SRPK2: variants seen among roughly 807,000 people sequenced by gnomAD.
SRPK2 encodes the protein SRSF protein kinase 2.
Under a neutral mutation model 90.8 loss-of-function variants are expected in SRPK2, and 21 were observed. The ratio of observed to expected loss-of-function variants is 0.23; its 90% CI spans 0.16 to 0.33. SRPK2 has a LOEUF of 0.33. SRPK2 is among the 10% of genes least tolerant of loss of function. The probability of loss-of-function intolerance (pLI) is 1.00; values close to 1 mark genes in which losing one functional copy is unlikely to be tolerated. For missense variants in SRPK2, 620 were observed against 869.0 expected (o/e 0.71, Z 3.60); for synonymous variants, 288 against 311.1 (o/e 0.93, Z 0.78).
intron 2 of SRPK2, among the ~76,000 whole-genome samples, chr7:105,384,681 C>T (rs1239256708): frequency 6.6e-6 from 1 of 152,110 alleles, no homozygotes; most frequent in Non-Finnish European, 1.5e-5. Context: ...CCAAACGAAG[C>T]TATTGTGGGC....
chr7:105,166,345 A>C (rs901967805), intron 6 of SRPK2, among the ~76,000 whole-genome samples: 10 of 149,194 alleles, frequency 6.7e-5, no homozygotes, highest in African/African-American at 2.2e-4. Context: ...ATCTGTATTA[A>C]GAAGTCTCCA....
At chr7:105,162,941 A>C (rs571237996) in intron 6 of SRPK2, among the ~76,000 whole-genome samples, 1 of 152,374 alleles carries the variant, frequency 6.6e-6, no homozygotes, top group East Asian at 1.9e-4. Context: ...CAAGTCGGAC[A>C]CAGAAGAAGT....
rs147449286 is a variant in SRPK2 at position 105,204,184 on chromosome 7, C to T, written c.72-399G>A. Among the ~76,000 whole-genome samples the T allele has an allele frequency of 2.0e-4, 31 of 152,300 alleles. No homozygotes were observed. The East Asian group carries it at 5.4e-3, about 27-fold the overall frequency. On this transcript the variant is annotated intron_variant, in intron 2 of 15. Coordinates refer to ENST00000393651, the MANE Select transcript of SRPK2 (RefSeq NM_182692.3). The stretch of plus-strand genomic sequence containing the variant: ...CACAACGATTATAAAAAGACAGGCG[C>T]AAGCAGCACTCAACTTTTGAAAGCA...
chr7:105,335,710 T>C (rs535905750), intron 2 of SRPK2, among the ~76,000 whole-genome samples: 9 of 150,398 alleles, frequency 6.0e-5, no homozygotes, highest in African/African-American at 2.0e-4. Flanking sequence ...TCCCAGCACT[T>C]TGGGAGGCTG....
rs766162238 is a variant in SRPK2, at chr7:105,169,220, T to A, written c.275A>T (p.Tyr92Phe). The change falls in exon 4 of 16, where the codon TAT (tyrosine) becomes TTT (phenylalanine). Residue 92 changes from tyrosine (Y) to phenylalanine (F), a missense_variant. Around this residue, in one of 8 missense-constraint regions of SRPK2, gnomAD observed 196 missense variants for 339.2 expected, o/e 0.58. Coordinates refer to ENST00000393651, the MANE Select transcript of SRPK2 (RefSeq NM_182692.3). ...CCATCCAAGCTTTCTAATAACATGA[T>A]ACCGGCCATTGAAGAGGTCTCCAAT... Reference protein sequence around the residue: ...VKIGDLFNGRYHVIRKLGWGH... With the variant: ...VKIGDLFNGRFHVIRKLGWGH... 6.2e-7 allele frequency: 1 copy of A among 1,613,974 alleles called. No individual in the cohort carries two copies. Among genetic ancestry groups the A allele is most frequent in the Non-Finnish European group, 8.5e-7 (1 of 1,179,952 alleles).
At chr7:105,323,350 A>C (rs923499422) in intron 2 of SRPK2, among the ~76,000 whole-genome samples, 2 of 152,216 alleles carry the variant, frequency 1.3e-5, no homozygotes, top group Non-Finnish European at 1.5e-5. Flanking sequence ...TGCAAACCCA[A>C]GCAGTGGCAA....
intron 3 of SRPK2, among the ~76,000 whole-genome samples, chr7:105,174,736 C>A (rs561077355): frequency 6.6e-6 from 1 of 152,270 alleles, no homozygotes; most frequent in Admixed American, 6.5e-5. Context: ...ACCAGCTTGA[C>A]CTAATTACCA....
intron 2 of SRPK2, among the ~76,000 whole-genome samples, chr7:105,299,137 T>C (rs909965695): frequency 6.6e-6 from 1 of 152,238 alleles, no homozygotes; most frequent in Non-Finnish European, 1.5e-5. Context: ...AATGAGCCTC[T>C]GTTTCTCTAC....
intron 15 of SRPK2, chr7:105,125,807 G>A: frequency 1.6e-6 from 2 of 1,289,374 alleles, no homozygotes; most frequent in Non-Finnish European, 2.0e-6. Flanking sequence ...ACTCCTTGGA[G>A]TATTTCCCCA....
intron 2 of SRPK2, among the ~76,000 whole-genome samples, chr7:105,214,263 T>C (rs566855470): frequency 5.4e-4 from 82 of 152,338 alleles, no homozygotes; most frequent in Non-Finnish European, 1.2e-4. Context: ...AGCATATCAC[T>C]ATTTTTAATA....
chr7:105,195,197 G>T (rs559870283), intron 3 of SRPK2, among the ~76,000 whole-genome samples: 3 of 152,118 alleles, frequency 2.0e-5, no homozygotes, highest in Admixed American at 6.5e-5. Context: ...CTACAGGCGC[G>T]TGCCACCGTG....
intron 13 of SRPK2, 113 bp from the exon 14 acceptor site, chr7:105,127,175 T>C: frequency 2.1e-6 from 2 of 935,658 alleles, no homozygotes; most frequent in Non-Finnish European, 3.3e-6. Context: ...TCAAACAAAA[T>C]AGCCTCCTGA....
chr7:105,145,691 C>T (rs1193733139), intron 8 of SRPK2, among the ~76,000 whole-genome samples: 4 of 152,170 alleles, frequency 2.6e-5, no homozygotes, highest in Non-Finnish European at 2.9e-5. Flanking sequence ...AGATGTACAT[C>T]GATATTTGGA....
intron 3 of SRPK2, among the ~76,000 whole-genome samples, chr7:105,187,984 C>T (rs539840739): frequency 6.6e-6 from 1 of 152,220 alleles, no homozygotes; most frequent in Non-Finnish European, 1.5e-5. Context: ...AATCTGACAG[C>T]TCCTTAAGTG....
intron 2 of SRPK2, among the ~76,000 whole-genome samples, chr7:105,206,178 C>G (rs185514609): frequency 3.1e-4 from 47 of 151,212 alleles, no homozygotes; most frequent in African/African-American, 1.0e-3. Context: ...CTGTGGCCAT[C>G]AAAAATGCGT....
At chr7:105,140,168 C>T (rs1803501054) in intron 11 of SRPK2, among the ~76,000 whole-genome samples, 1 of 151,982 alleles carries the variant, frequency 6.6e-6, no homozygotes, top group Non-Finnish European at 1.5e-5. Flanking sequence ...TTTTTTTCCC[C>T]TCCAACTATT....
At chr7:105,327,289 G>A (rs1813705320) in intron 2 of SRPK2, among the ~76,000 whole-genome samples, 1 of 152,150 alleles carries the variant, frequency 6.6e-6, no homozygotes, top group Non-Finnish European at 1.5e-5. Context: ...AAAGTTCTGT[G>A]TCCATAAACG....
At position 105,116,553 on chromosome 7, in the gene SRPK2, TAAA is replaced by T. The variant is rs1308927861; in HGVS notation, c.*1282_*1284del. 2.6e-5 allele frequency: 4 copies of T among 152,718 alleles called. No individual in the cohort carries two copies. The highest frequency in any genetic ancestry group is 3.9e-4 in the East Asian group (2 of 5,194). The allele number at this position is 152,718 out of a possible 1,614,324, so 9.5% of individuals were successfully genotyped here. A position where few individuals can be genotyped will look rare whatever the true frequency, so the allele number is the denominator to read the frequency against. ...ACCTTAATGAATGTAAAATTTAAAA[TAAA>T]AAGACATTCAATCCACTGACTTCTA... On this transcript the variant is annotated 3_prime_UTR_variant, in exon 16 of 16. Transcript: ENST00000393651.
At chr7:105,284,105 G>A (rs747042266) in intron 2 of SRPK2, among the ~76,000 whole-genome samples, 2 of 152,178 alleles carry the variant, frequency 1.3e-5, no homozygotes, top group Non-Finnish European at 2.9e-5. Context: ...TGCAGAGCTA[G>A]TATGTAACTA....
Sources: gnomAD v4.1 joint callset for allele counts (sites outside exome capture counted in the v4.1 genomes callset) on GRCh38, gnomAD v4.1.1 for gene constraint, gnomAD v4.1.1 regional missense constraint, MANE v1.5 for transcripts, NCBI Gene and HGNC (gene_info 2026-07-23, HGNC 2026-07-21) for gene names.